The following VPS13B variants were observed in gnomAD, a reference collection of about 807,000 sequenced individuals.
VPS13B encodes vacuolar protein sorting 13 homolog B, also known as intermembrane lipid transfer protein VPS13B.
A neutral mutation model predicts 426.4 loss-of-function variants in VPS13B; 285 were observed. That is an observed-to-expected ratio of 0.67 (90% CI 0.61 to 0.74). The LOEUF (loss-of-function observed/expected upper bound fraction) is 0.74, where lower values mean the gene tolerates loss of function less well. Ranked by LOEUF, VPS13B falls within the 30% of genes least tolerant of loss-of-function variation. The pLI is 0.00. For missense variants in VPS13B, 4,537 were observed against 4,782.6 expected (o/e 0.95, Z 1.51); for synonymous variants, 1,676 against 1,676.4 (o/e 1.00, Z 0.01).
chr8:99,755,125 G>T (rs940242629), intron 39 of VPS13B, among the ~76,000 whole-genome samples: 1 of 152,084 alleles, frequency 6.6e-6, no homozygotes. Flanking sequence ...CACCCCCAGG[G>T]ATGTGTGCCT....
chr8:99,151,691 G>GT (rs1811088687), intron 14 of VPS13B, among the ~76,000 whole-genome samples: 1 of 152,006 alleles, frequency 6.6e-6, no homozygotes, highest in African/African-American at 2.4e-5. Flanking sequence ...GTGCCACCAT[G>GT]CCTGGCTAAT....
intron 33 of VPS13B, among the ~76,000 whole-genome samples, chr8:99,611,824 T>C (rs914350943): frequency 2.6e-5 from 4 of 152,110 alleles, no homozygotes; most frequent in Non-Finnish European, 5.9e-5. Context: ...CTGGGTTTGA[T>C]TGAATTTTTC....
chr8:99,731,795 A>C (rs1467657543), intron 39 of VPS13B, among the ~76,000 whole-genome samples: 2 of 152,194 alleles, frequency 1.3e-5, no homozygotes, highest in East Asian at 1.9e-4. Flanking sequence ...GCTCAGTGGG[A>C]TGTGTGGCAA....
At chr8:99,688,803 G>T (rs566271708) in intron 35 of VPS13B, among the ~76,000 whole-genome samples, 1 of 152,014 alleles carries the variant, frequency 6.6e-6, no homozygotes, top group African/African-American at 2.4e-5. Flanking sequence ...AGCCTTCAGC[G>T]TGAACATCCA....
In VPS13B at chr8:99,821,231, G is replaced by C; in HGVS notation, c.8995-63G>C. 5.2e-6 allele frequency: 8 copies of C among 1,535,846 alleles called. No homozygotes were observed. In the South Asian group the frequency reaches 9.3e-5, roughly 18 times the overall value. On this transcript the variant is annotated intron_variant, in intron 49 of 61. Coordinates refer to ENST00000357162, the MANE Select transcript of VPS13B (RefSeq NM_152564.5). ...ATAATATTAAAAAAAAAATCCTGAG[G>C]ATTGAAGTAAAAAATATCAAAGGTA...
At chr8:99,536,562 T>TA (rs1044355227) in intron 30 of VPS13B, 5 of 492,392 alleles carry the variant, frequency 1.0e-5, no homozygotes, top group Non-Finnish European at 2.1e-5. Context: ...TTGTACAACA[T>TA]AGAGTGCATA....
intron 52 of VPS13B, among the ~76,000 whole-genome samples, chr8:99,833,672 A>C (rs1048160150): frequency 6.6e-6 from 1 of 152,172 alleles, no homozygotes; most frequent in African/African-American, 2.4e-5. Flanking sequence ...TGTTTTTTGA[A>C]AGCTATATGA....
chr8:99,317,156 G>T (rs917632585), intron 19 of VPS13B, among the ~76,000 whole-genome samples: 1 of 152,118 alleles, frequency 6.6e-6, no homozygotes, highest in Admixed American at 6.5e-5. Context: ...CCTCTTTGAG[G>T]TTATCCCAGA....
At chr8:99,358,749 T>C (rs1292464008) in intron 19 of VPS13B, among the ~76,000 whole-genome samples, 1 of 152,210 alleles carries the variant, frequency 6.6e-6, no homozygotes, top group Non-Finnish European at 1.5e-5. Context: ...GTGTCTGCTG[T>C]ACCCTGCCTT....
At position 99,876,768 on chromosome 8, in the gene VPS13B, G is replaced by A. The variant is rs919417482; in HGVS notation, c.*1102G>A. The A allele has an allele frequency of 1.3e-5, 2 of 152,192 alleles. No homozygotes were observed. The highest frequency in any genetic ancestry group is 4.8e-5 in the African/African-American group (2 of 41,456). 9.4% of individuals were successfully genotyped at this position (152,192 alleles called of 1,614,324 possible). On this transcript the variant is annotated 3_prime_UTR_variant, in exon 62 of 62. Transcript: ENST00000357162. ...TCCAGTAGCTTAGAGCATGTTTGCT[G>A]ATTGATATTACATTTAAACTTGGGG...
intron 35 of VPS13B, among the ~76,000 whole-genome samples, chr8:99,692,418 C>G (rs370444945): frequency 9.2e-5 from 13 of 141,884 alleles, no homozygotes; most frequent in East Asian, 4.1e-4. Flanking sequence ...TACATGGAAA[C>G]TGAACAACCT....
intron 4 of VPS13B, among the ~76,000 whole-genome samples, chr8:99,098,499 C>T (rs1440704665): frequency 1.3e-5 from 2 of 152,122 alleles, no homozygotes; most frequent in African/African-American, 4.8e-5. Context: ...AACTCTTCTA[C>T]AGTTTATTTA....
intron 19 of VPS13B, among the ~76,000 whole-genome samples, chr8:99,308,767 C>T (rs546632793): frequency 6.6e-6 from 1 of 152,312 alleles, no homozygotes; most frequent in East Asian, 1.9e-4. Flanking sequence ...CTGTCTTCCA[C>T]AATGGTTGAA....
At chr8:99,800,312 G>A (rs1370329265) in intron 43 of VPS13B, among the ~76,000 whole-genome samples, 4 of 152,030 alleles carry the variant, frequency 2.6e-5, no homozygotes, top group Non-Finnish European at 4.4e-5. Context: ...TAGACTTAAG[G>A]CAGCTGTTAA....
intron 22 of VPS13B, among the ~76,000 whole-genome samples, chr8:99,437,590 C>T (rs1255543969): frequency 6.6e-6 from 1 of 151,930 alleles, no homozygotes; most frequent in African/African-American, 2.4e-5. Context: ...TGGTGGTGCC[C>T]ACCTGTAGTC....
At chr8:99,384,140 T>C in intron 19 of VPS13B, 68 bp from the exon 20 acceptor site, 2 of 1,277,186 alleles carry the variant, frequency 1.6e-6, no homozygotes, top group Admixed American at 1.7e-5. Flanking sequence ...CTACATGGTG[T>C]AAAGTGACAA....
intron 21 of VPS13B, among the ~76,000 whole-genome samples, chr8:99,428,133 A>G (rs1816838144): frequency 2.6e-5 from 4 of 152,332 alleles, no homozygotes; most frequent in Middle Eastern, 3.4e-3. Context: ...TACAAAAATT[A>G]ATTCAAGATG....
At chr8:99,471,155 T>C (rs1819385121) in intron 24 of VPS13B, among the ~76,000 whole-genome samples, 1 of 152,020 alleles carries the variant, frequency 6.6e-6, no homozygotes, top group African/African-American at 2.4e-5. Flanking sequence ...CTAAAGGAAA[T>C]TCTGCAGGAT....
intron 30 of VPS13B, among the ~76,000 whole-genome samples, chr8:99,533,600 AT>A (rs1823045465): frequency 2.6e-5 from 4 of 152,352 alleles, no homozygotes; most frequent in Non-Finnish European, 5.9e-5. Flanking sequence ...ATTGAGGAAT[AT>A]AACCAATAGA....
Sources: allele counts gnomAD v4.1 joint callset (sites outside exome capture counted in the v4.1 genomes callset), GRCh38; gene constraint gnomAD v4.1.1; transcripts MANE v1.5; gene names NCBI Gene and HGNC (gene_info 2026-07-23, HGNC 2026-07-21).